Variants in NXPH2 observed in about 807,000 individuals in gnomAD.
NXPH2 encodes the protein neurexophilin 2, also known as neurexophilin-2.
Under a neutral mutation model 19.8 loss-of-function variants are expected in NXPH2, and 5 were observed. That is an observed-to-expected ratio of 0.25 (90% CI 0.13 to 0.53). The LOEUF is 0.53. Among genes scored for constraint, NXPH2 ranks in the 20% least tolerant of loss-of-function variants. NXPH2 has a pLI of 0.96. For missense variants in NXPH2, 289 were observed against 322.8 expected, an observed-to-expected ratio of 0.90 and a Z score of 0.80; for synonymous variants, 154 against 127.4, an observed-to-expected ratio of 1.21 and a Z score of -1.41.
intron 1 of NXPH2, 63 bp from the exon 2 acceptor site, chr2:138,671,728 G>A: frequency 6.8e-7 from 1 of 1,462,224 alleles, no homozygotes; most frequent in East Asian, 2.3e-5. Flanking sequence ...CACTCAAACT[G>A]AAGTCAAAGC....
At chr2:138,720,694 G>A (rs1312704393) in intron 1 of NXPH2, among the ~76,000 whole-genome samples, 1 of 152,180 alleles carries the variant, frequency 6.6e-6, no homozygotes, top group African/African-American at 2.4e-5. Flanking sequence ...GGCTCCACAC[G>A]CACTGGCGCT....
At chr2:138,702,751 C>T (rs1680949039) in intron 1 of NXPH2, among the ~76,000 whole-genome samples, 1 of 152,040 alleles carries the variant, frequency 6.6e-6, no homozygotes, top group Non-Finnish European at 1.5e-5. Context: ...GATGTGAGAA[C>T]TAAATTGCCA....
At chr2:138,742,883 T>A (rs1305061617) in intron 1 of NXPH2, among the ~76,000 whole-genome samples, 1 of 152,164 alleles carries the variant, frequency 6.6e-6, no homozygotes, top group Non-Finnish European at 1.5e-5. Context: ...ACAATAGAGA[T>A]ATAGTCGTGA....
At chr2:138,709,150 G>A (rs1306441096) in intron 1 of NXPH2, among the ~76,000 whole-genome samples, 1 of 152,008 alleles carries the variant, frequency 6.6e-6, no homozygotes, top group Non-Finnish European at 1.5e-5. Context: ...TCTGAGAGTC[G>A]CTGGGGGATG....
chr2:138,744,177 T>A (rs993356080), intron 1 of NXPH2, among the ~76,000 whole-genome samples: 22 of 152,158 alleles, frequency 1.4e-4, no homozygotes, highest in African/African-American at 5.3e-4. Context: ...TCAGTAGGTA[T>A]AATGTTATAT....
At chr2:138,719,021 T>G (rs1434800567) in intron 1 of NXPH2, among the ~76,000 whole-genome samples, 1 of 152,112 alleles carries the variant, frequency 6.6e-6, no homozygotes, top group East Asian at 1.9e-4. Context: ...CTAGAAAAAT[T>G]ACAACACAAA....
At chr2:138,702,641 A>G (rs906578073) in intron 1 of NXPH2, among the ~76,000 whole-genome samples, 6 of 151,918 alleles carry the variant, frequency 3.9e-5, no homozygotes, top group Admixed American at 6.6e-5. Flanking sequence ...AATGATAGAA[A>G]TAGAGTGACA....
chr2:138,717,246 C>T (rs1459834315), intron 1 of NXPH2, among the ~76,000 whole-genome samples: 1 of 152,108 alleles, frequency 6.6e-6, no homozygotes, highest in African/African-American at 2.4e-5. Context: ...CCCTATGACC[C>T]TGTAGCAACA....
chr2:138,772,742 G>A (rs777475382), intron 1 of NXPH2, among the ~76,000 whole-genome samples: 4 of 152,192 alleles, frequency 2.6e-5, no homozygotes, highest in Non-Finnish European at 5.9e-5. Context: ...AGAGTGGGAT[G>A]TTTCCTAGAA....
rs116896293 is a variant in NXPH2 at position 138,670,616 on chromosome 2, C to G, written c.*306G>C. On this transcript the variant is annotated 3_prime_UTR_variant, in exon 2 of 2. Coordinates refer to ENST00000272641, the MANE Select transcript of NXPH2 (RefSeq NM_007226.3). Reference sequence around the variant, plus strand: ...CATGCATAATTTTGTTCCTTCTTGTCACATATTGCTATCATTGATGTTTCT... The same window carrying G: ...CATGCATAATTTTGTTCCTTCTTGTGACATATTGCTATCATTGATGTTTCT... 2.5e-4 allele frequency among the ~76,000 whole-genome samples: 38 copies of G among 152,244 alleles called. No individual in the cohort carries two copies. The East Asian group carries it at 7.1e-3, about 29-fold the overall frequency.
intron 1 of NXPH2, among the ~76,000 whole-genome samples, chr2:138,687,820 G>A (rs1487336137): frequency 6.6e-6 from 1 of 152,038 alleles, no homozygotes; most frequent in Non-Finnish European, 1.5e-5. Context: ...TCTTGTTTTT[G>A]TCAGGTTTGT....
intron 1 of NXPH2, among the ~76,000 whole-genome samples, chr2:138,729,026 A>G (rs955214250): frequency 6.6e-6 from 1 of 152,170 alleles, no homozygotes; most frequent in African/African-American, 2.4e-5. Context: ...CTTTTCATAC[A>G]TATTAGTCCA....
At chr2:138,751,978 T>A (rs964798642) in intron 1 of NXPH2, among the ~76,000 whole-genome samples, 2 of 152,252 alleles carry the variant, frequency 1.3e-5, no homozygotes, top group Non-Finnish European at 1.5e-5. Context: ...TTAAATTACT[T>A]TGAGTTTGGT....
At chr2:138,746,840 T>C (rs1376577068) in intron 1 of NXPH2, among the ~76,000 whole-genome samples, 1 of 152,118 alleles carries the variant, frequency 6.6e-6, no homozygotes. Context: ...TTTCATTTTC[T>C]TTTTCTCAAA....
intron 1 of NXPH2, among the ~76,000 whole-genome samples, chr2:138,692,347 T>C (rs1255907542): frequency 1.3e-5 from 2 of 152,226 alleles, no homozygotes; most frequent in African/African-American, 4.8e-5. Flanking sequence ...AATGCTTGTT[T>C]ATCATCAGCC....
At chr2:138,748,441 G>A (rs1035379386) in intron 1 of NXPH2, among the ~76,000 whole-genome samples, 3 of 152,110 alleles carry the variant, frequency 2.0e-5, no homozygotes, top group Non-Finnish European at 4.4e-5. Context: ...CTCCAATATG[G>A]TCCAATCTGG....
At chr2:138,772,954 T>G (rs1682202119) in intron 1 of NXPH2, among the ~76,000 whole-genome samples, 1 of 152,190 alleles carries the variant, frequency 6.6e-6, no homozygotes. Flanking sequence ...GATGCACAGA[T>G]TAACCACGAA....
intron 1 of NXPH2, among the ~76,000 whole-genome samples, chr2:138,738,592 A>C (rs1681590063): frequency 6.6e-6 from 1 of 152,150 alleles, no homozygotes; most frequent in Non-Finnish European, 1.5e-5. Flanking sequence ...CAATCACTTC[A>C]ATGCTCATTA....
intron 1 of NXPH2, among the ~76,000 whole-genome samples, chr2:138,745,531 A>C (rs1400967951): frequency 7.2e-6 from 1 of 139,834 alleles, no homozygotes; most frequent in African/African-American, 2.9e-5. Context: ...TTTTCTTTAT[A>C]GTTCTAAAGT....
Sources: allele counts gnomAD v4.1 joint callset (sites outside exome capture counted in the v4.1 genomes callset), GRCh38; gene constraint gnomAD v4.1.1; transcripts MANE v1.5; gene names NCBI Gene and HGNC (gene_info 2026-07-23, HGNC 2026-07-21).